The following CCDC30 variants were observed in gnomAD, a reference collection of about 807,000 sequenced individuals.
The protein encoded by CCDC30 is coiled-coil domain containing 30.
A neutral mutation model predicts 100.2 loss-of-function variants in CCDC30; 70 were observed. That is an observed-to-expected ratio of 0.70 (90% CI 0.58 to 0.85). The LOEUF (loss-of-function observed/expected upper bound fraction) is 0.85, where lower values mean the gene tolerates loss of function less well. Ranked by LOEUF, CCDC30 falls within the 40% of genes least tolerant of loss-of-function variation. The pLI is 0.00. For missense variants in CCDC30, 652 were observed against 771.2 expected (o/e 0.85, Z 1.83); for synonymous variants, 233 against 269.5 (o/e 0.86, Z 1.33).
chr1:42,460,742 A>G (rs902837314), upstream of CCDC30, among the ~76,000 whole-genome samples: 1 of 150,352 alleles, frequency 6.7e-6, no homozygotes, highest in Non-Finnish European at 1.5e-5. Flanking sequence ...TAGGCATTTG[A>G]CTTAATCTCA....
intron 11 of CCDC30, among the ~76,000 whole-genome samples, chr1:42,633,449 T>C (rs1203929247): frequency 6.6e-6 from 1 of 152,196 alleles, no homozygotes; most frequent in Non-Finnish European, 1.5e-5. Flanking sequence ...TAATCATACC[T>C]TAGAATCCTG....
downstream of CCDC30, among the ~76,000 whole-genome samples, chr1:42,656,105 A>G (rs945170326): frequency 1.3e-5 from 2 of 151,886 alleles, no homozygotes; most frequent in African/African-American, 4.8e-5. Context: ...TTCTGGGCTC[A>G]AGTGATCCTC....
upstream of CCDC30, among the ~76,000 whole-genome samples, chr1:42,458,480 A>G (rs1210418072): frequency 2.6e-5 from 4 of 152,238 alleles, no homozygotes; most frequent in African/African-American, 9.6e-5. Flanking sequence ...ACACTGCTGT[A>G]GGACTTAGAG....
chr1:42,546,420 A>AG (rs1557843143), intron 6 of CCDC30, among the ~76,000 whole-genome samples: 1 of 14,158 alleles, frequency 7.1e-5, no homozygotes, highest in South Asian at 1.8e-3. Flanking sequence ...ATATATATAT[A>AG]TATATATATA....
intron 7 of CCDC30, among the ~76,000 whole-genome samples, chr1:42,573,696 A>T (rs548583353): frequency 6.6e-6 from 1 of 152,032 alleles, no homozygotes; most frequent in Non-Finnish European, 1.5e-5. Flanking sequence ...ACCATTTAGT[A>T]TGTTTTTATA....
Position 42,521,319 on chromosome 1 carries a change from T to C in CCDC30, c.456+22403T>C, listed in dbSNP as rs188132396. The C allele has an allele frequency of 3.7e-4, 57 of 154,814 alleles. No individual in the cohort carries two copies. In the Middle Eastern group the frequency reaches 5.4e-3, roughly 15 times the overall value. The allele number at this position is 154,814 out of a possible 1,614,324, so 9.6% of individuals were successfully genotyped here. A position where few individuals can be genotyped will look rare whatever the true frequency, so the allele number is the denominator to read the frequency against. On this transcript the variant is annotated intron_variant, in intron 6 of 16. Coordinates refer to ENST00000668663, the Ensembl canonical transcript of CCDC30. ...TCTTTGTGACTTATTTTTTGATCCA[T>C]TGGTTTTTTAAAAGTGTGTTGTTTA...
Position 42,620,137 on chromosome 1 carries a change from A to G in CCDC30, c.1277+9047A>G, listed in dbSNP as rs1020327655. Among the ~76,000 whole-genome samples the G allele has an allele frequency of 7.2e-5, 11 of 152,294 alleles. No homozygotes were observed. The South Asian group carries it at 1.9e-3, about 26-fold the overall frequency. ...GGAAGATCATAGGCTCTGGGGTCAGATTCTTCTCTTTAGAATAACTTCTTT... is the reference window on the plus strand; with the variant it reads ...GGAAGATCATAGGCTCTGGGGTCAGGTTCTTCTCTTTAGAATAACTTCTTT... On this transcript the variant is annotated intron_variant, in intron 11 of 16. Transcript: ENST00000668663.
At chr1:42,505,333 C>T (rs1359214999) in intron 6 of CCDC30, among the ~76,000 whole-genome samples, 2 of 152,072 alleles carry the variant, frequency 1.3e-5, no homozygotes, top group Non-Finnish European at 2.9e-5. Context: ...TTTTACATTA[C>T]CCATACATTT....
intron 13 of CCDC30, 114 bp downstream of exon 17, chr1:42,642,723 C>T (rs956136295): frequency 1.5e-5 from 15 of 1,017,710 alleles, no homozygotes; most frequent in Middle Eastern, 2.4e-4. Context: ...CTATGACTCT[C>T]GCTCCGCTGT....
chr1:42,632,626 G>T (rs919217566), intron 11 of CCDC30, among the ~76,000 whole-genome samples: 16 of 151,498 alleles, frequency 1.1e-4, no homozygotes, highest in African/African-American at 2.2e-4. Flanking sequence ...CGGGCGTGAT[G>T]GTGCATGCCT....
intron 6 of CCDC30, among the ~76,000 whole-genome samples, chr1:42,526,308 A>G (rs1644723690): frequency 1.3e-5 from 2 of 152,014 alleles, no homozygotes; most frequent in South Asian, 2.1e-4. Flanking sequence ...AGGGTGAGGA[A>G]AATCTCATCC....
chr1:42,634,890 C>T (rs1302722051), intron 11 of CCDC30, among the ~76,000 whole-genome samples: 1 of 152,156 alleles, frequency 6.6e-6, no homozygotes, highest in African/African-American at 2.4e-5. Flanking sequence ...CACTAATCTA[C>T]TTTCTTTCTC....
At chr1:42,640,777 T>A (rs1647324197) in intron 12 of CCDC30, among the ~76,000 whole-genome samples, 1 of 151,810 alleles carries the variant, frequency 6.6e-6, no homozygotes, top group Non-Finnish European at 1.5e-5. Context: ...ACCTATAATG[T>A]CAGCTACTCA....
chr1:42,591,616 G>C (rs1360587443), intron 10 of CCDC30: 1 of 152,328 alleles, frequency 6.6e-6, no homozygotes, highest in East Asian at 1.9e-4. Flanking sequence ...CCCTCACAGA[G>C]AAGTTCTAAT....
intron 12 of CCDC30, among the ~76,000 whole-genome samples, chr1:42,637,830 CT>C (rs1443306556): frequency 6.6e-6 from 1 of 152,124 alleles, no homozygotes; most frequent in Non-Finnish European, 1.5e-5. Flanking sequence ...GCCCTTGTGA[CT>C]TAGTGGTGGA....
chr1:42,647,997 A>T (rs755310071), intron 15 of CCDC30, among the ~76,000 whole-genome samples: 107 of 152,214 alleles, frequency 7.0e-4, no homozygotes, highest in Non-Finnish European at 1.3e-3. Flanking sequence ...TTGGAGTGCA[A>T]TGGCGCAATC....
intron 12 of CCDC30, among the ~76,000 whole-genome samples, chr1:42,639,004 G>A (rs1647222927): frequency 6.6e-6 from 1 of 151,928 alleles, no homozygotes. Context: ...TCATACTTTT[G>A]CATTTTGCTT....
chr1:42,538,489 G>A (rs952166531), intron 6 of CCDC30, among the ~76,000 whole-genome samples: 1 of 152,122 alleles, frequency 6.6e-6, no homozygotes, highest in African/African-American at 2.4e-5. Context: ...CAGGTACTTG[G>A]GAGGCTGAGA....
At chr1:42,607,318 G>T (rs72959626) in intron 10 of CCDC30, among the ~76,000 whole-genome samples, 1 of 152,034 alleles carries the variant, frequency 6.6e-6, no homozygotes, top group Non-Finnish European at 1.5e-5. Flanking sequence ...CTTTAAAAAG[G>T]GTGGTTTGTT....
Sources: allele counts gnomAD v4.1 joint callset (sites outside exome capture counted in the v4.1 genomes callset), GRCh38; gene constraint gnomAD v4.1.1; transcripts MANE v1.5; gene names NCBI Gene and HGNC (gene_info 2026-07-23, HGNC 2026-07-21).